DMD: variants seen among roughly 807,000 people sequenced by gnomAD.
DMD encodes the protein mutant dystrophin.
In DMD, 63 loss-of-function variants were observed where a neutral mutation model predicts 330.1. The observed-to-expected ratio is 0.19, with a 90% CI of 0.16 to 0.24. The LOEUF (loss-of-function observed/expected upper bound fraction) is 0.24. Ranked by LOEUF, DMD falls within the 10% of genes least tolerant of loss-of-function variation. The pLI, the probability that DMD is intolerant of heterozygous loss-of-function variation, is 1.00. For synonymous variants in DMD, 1,223 were observed against 959.8 expected (o/e 1.27, Z -5.07); for missense variants, 3,344 against 2,684.1 (o/e 1.25, Z -5.43).
rs772546304 is a variant in DMD at position 31,563,057 on chromosome X, T to C, written c.8218-55604A>G. Among the ~76,000 whole-genome samples the C allele has an allele frequency of 2.9e-3, 238 of 81,135 alleles. 1 individual carries two copies. The highest frequency in any genetic ancestry group is 8.3e-3 in the Middle Eastern group (1 of 120). 70.5% of individuals were successfully genotyped at this position (81,135 alleles called of 115,157 possible). A position where few individuals can be genotyped will look rare whatever the true frequency, so the allele number is the denominator to read the frequency against. ...GTTTCCAAAAACAATTTGTATCTATTTATTTATTTATTTATTTATTTTTTG... is the reference window on the plus strand; with the variant it reads ...GTTTCCAAAAACAATTTGTATCTATCTATTTATTTATTTATTTATTTTTTG... On this transcript the variant is annotated intron_variant, in intron 55 of 78. Coordinates refer to ENST00000357033, the MANE Select transcript of DMD (RefSeq NM_004006.3).
At chrX:32,448,090 G>GA (rs1428473493) in intron 27 of DMD, among the ~76,000 whole-genome samples, 1 of 110,379 alleles carries the variant, frequency 9.1e-6, no homozygotes, top group African/African-American at 3.3e-5. Flanking sequence ...ACAAAAATAA[G>GA]AAAAAATAAA....
At chrX:33,239,548 T>C (rs1398661935) in intron 1 of DMD, among the ~76,000 whole-genome samples, 1 of 111,679 alleles carries the variant, frequency 9.0e-6, no homozygotes, top group East Asian at 2.8e-4. Flanking sequence ...CCTGATCAGA[T>C]AATATGTCTG....
intron 45 of DMD, among the ~76,000 whole-genome samples, chrX:31,964,322 T>G (rs748848228): frequency 2.7e-5 from 3 of 111,185 alleles, no homozygotes; most frequent in Non-Finnish European, 5.7e-5. Context: ...CTAAGAAGGA[T>G]GAAAAATAAT....
At chrX:32,076,109 G>A (rs1343138706) in intron 44 of DMD, among the ~76,000 whole-genome samples, 3 of 81,954 alleles carry the variant, frequency 3.7e-5, no homozygotes, top group Non-Finnish European at 6.8e-5. Context: ...AGAGAGAGAA[G>A]TTATTTAGAA....
intron 65 of DMD, among the ~76,000 whole-genome samples, chrX:31,207,219 C>T (rs934184889): frequency 3.6e-5 from 4 of 111,113 alleles, no homozygotes; most frequent in Non-Finnish European, 5.7e-5. Context: ...TGTTTATCTC[C>T]GTAAGAAAAA....
intron 2 of DMD, among the ~76,000 whole-genome samples, chrX:32,930,998 A>G (rs184867686): frequency 9.3e-6 from 1 of 107,655 alleles, no homozygotes; most frequent in African/African-American, 3.3e-5. Context: ...TATTATATAT[A>G]TTATTTTATA....
At chrX:31,525,094 A>T (rs1158484324) in intron 55 of DMD, among the ~76,000 whole-genome samples, 1 of 111,904 alleles carries the variant, frequency 8.9e-6, no homozygotes, top group African/African-American at 3.2e-5. Flanking sequence ...AAATGATATG[A>T]ACTGATTTTT....
chrX:32,265,463 A>T (rs1263436353), intron 43 of DMD, among the ~76,000 whole-genome samples: 1 of 112,529 alleles, frequency 8.9e-6, no homozygotes, highest in African/African-American at 3.2e-5. Flanking sequence ...GTCAGTGCAG[A>T]AGAGAAATGT....
chrX:33,124,476 GAAAAAAAAAAAAAAAAAAAAA>G (rs56147804), intron 1 of DMD, among the ~76,000 whole-genome samples: 1 of 16,132 alleles, frequency 6.2e-5, no homozygotes, highest in African/African-American at 2.7e-4. Flanking sequence ...GACTCTGTCT[GAAAAAAAAAAAAAAAAAAAAA>G]AAAAAAAAAA....
chrX:32,570,486 C>T (rs1336722674), intron 15 of DMD, among the ~76,000 whole-genome samples: 2 of 111,528 alleles, frequency 1.8e-5, no homozygotes, highest in East Asian at 5.6e-4. Context: ...TTTTTATGGC[C>T]CTGAGGCTAG....
intron 54 of DMD, among the ~76,000 whole-genome samples, chrX:31,654,756 T>C (rs1310004503): frequency 2.7e-5 from 3 of 110,367 alleles, no homozygotes; most frequent in Non-Finnish European, 3.8e-5. Context: ...TAGGGACTAT[T>C]AGAGTGTGGA....
chrX:33,032,684 G>A (rs1325336064), intron 1 of DMD, among the ~76,000 whole-genome samples: 1 of 112,023 alleles, frequency 8.9e-6, no homozygotes, highest in Non-Finnish European at 1.9e-5. Context: ...CTCATACATG[G>A]CCAAGTATTA....
intron 25 of DMD, among the ~76,000 whole-genome samples, chrX:32,460,988 C>T (rs1188583720): frequency 9.0e-6 from 1 of 111,596 alleles, no homozygotes; most frequent in Admixed American, 9.6e-5. Context: ...TAGCTAGAAT[C>T]TAGATTTTTA....
At chrX:32,205,870 C>T (rs912392228) in intron 44 of DMD, 5 of 298,211 alleles carry the variant, frequency 1.7e-5, no homozygotes, top group African/African-American at 1.4e-4. Flanking sequence ...GCCTTCTCTC[C>T]CACCTAAGTG....
At chrX:31,831,792 T>G (rs184947609) in intron 49 of DMD, among the ~76,000 whole-genome samples, 1 of 111,500 alleles carries the variant, frequency 9.0e-6, no homozygotes, top group East Asian at 2.8e-4. Context: ...TTAGTAGAGA[T>G]GGGGTTTCAC....
At chrX:31,989,993 G>A (rs968147648) in intron 44 of DMD, among the ~76,000 whole-genome samples, 1 of 110,939 alleles carries the variant, frequency 9.0e-6, no homozygotes, top group African/African-American at 3.3e-5. Flanking sequence ...CCTAATTCGT[G>A]TTGGAAATTT....
intron 1 of DMD, among the ~76,000 whole-genome samples, chrX:33,058,798 T>C (rs991369305): frequency 8.9e-6 from 1 of 111,941 alleles, no homozygotes; most frequent in Non-Finnish European, 1.9e-5. Flanking sequence ...GATGCATATA[T>C]AGGGGTATTC....
intron 6 of DMD, among the ~76,000 whole-genome samples, chrX:32,815,518 T>TACACACAC (rs1355168422): frequency 1.1e-4 from 5 of 45,476 alleles, no homozygotes; most frequent in Admixed American, 2.8e-4. Context: ...TATATATATA[T>TACACACAC]ATACACACAC....
chrX:32,302,380 T>C (rs1445823345), intron 42 of DMD, among the ~76,000 whole-genome samples: 1 of 111,327 alleles, frequency 9.0e-6, no homozygotes, highest in East Asian at 2.8e-4. Flanking sequence ...AATGGGTTTA[T>C]CTGGATATAA....
Sources: gnomAD v4.1 joint callset for allele counts (sites outside exome capture counted in the v4.1 genomes callset) on GRCh38, gnomAD v4.1.1 for gene constraint, MANE v1.5 for transcripts, NCBI Gene and HGNC (gene_info 2026-07-23, HGNC 2026-07-21) for gene names.